ASTN1: variants seen among roughly 807,000 people sequenced by gnomAD.
ASTN1 encodes astrotactin 1.
Under a neutral mutation model 140.7 loss-of-function variants are expected in ASTN1, and 41 were observed. The ratio of observed to expected loss-of-function variants is 0.29; its 90% CI spans 0.23 to 0.38. The LOEUF (loss-of-function observed/expected upper bound fraction) is 0.38, where lower values mean the gene tolerates loss of function less well. Ranked by LOEUF, ASTN1 falls within the 10% of genes least tolerant of loss-of-function variation. The pLI is 1.00. For missense variants in ASTN1, 1,479 were observed against 1,678.8 expected, an observed-to-expected ratio of 0.88 and a Z score of 2.08; for synonymous variants, 640 against 652.2, an observed-to-expected ratio of 0.98 and a Z score of 0.29.
intron 14 of ASTN1, among the ~76,000 whole-genome samples, chr1:176,936,887 T>G (rs769057023): frequency 1.3e-5 from 2 of 152,234 alleles, no homozygotes; most frequent in African/African-American, 2.4e-5. Context: ...ATGCAACTCA[T>G]TTGTTCGCAT....
At chr1:177,044,176 T>TACACAC (rs3979531) in intron 2 of ASTN1, among the ~76,000 whole-genome samples, 12,124 of 143,242 alleles carry the variant, frequency 0.085, 747 homozygotes, top group East Asian at 0.23. Flanking sequence ...AAAAAAAAAA[T>TACACAC]ACACACACAC....
chr1:176,989,142 C>T lies in ASTN1; in HGVS notation c.1524-23905G>A, dbSNP rs553678381. Among the ~76,000 whole-genome samples the T allele has an allele frequency of 1.8e-3, 276 of 152,180 alleles. 1 individual carries two copies. Among genetic ancestry groups the T allele is most frequent in the Non-Finnish European group, 3.1e-3 (208 of 68,008 alleles). On this transcript the variant is annotated intron_variant, in intron 8 of 22. Transcript: ENST00000361833. The stretch of plus-strand genomic sequence containing the variant: ...CCCTAGATCTCTATAAAATTGGATT[C>T]GGGGAAGTAAAGTAGATTTGCCACT...
Position 176,966,315 on chromosome 1 carries a change from A to G in ASTN1, c.1524-1078T>C, listed in dbSNP as rs773030110. Among the ~76,000 whole-genome samples the G allele has an allele frequency of 7.0e-4, 106 of 152,324 alleles. 1 individual carries two copies. Among genetic ancestry groups the G allele is most frequent in the Non-Finnish European group, 4.1e-4 (28 of 68,032 alleles). On this transcript the variant is annotated intron_variant, in intron 8 of 22. Transcript: ENST00000361833. ...CACCCCATAGAGGGCATTTTGATAAATGTATGGCAGTTGTTCTTCAATGAC... is the reference window on the plus strand; with the variant it reads ...CACCCCATAGAGGGCATTTTGATAAGTGTATGGCAGTTGTTCTTCAATGAC...
chr1:177,063,521 C>T (rs933973238), intron 1 of ASTN1, among the ~76,000 whole-genome samples: 1 of 152,156 alleles, frequency 6.6e-6, no homozygotes, highest in Non-Finnish European at 1.5e-5. Flanking sequence ...AAGAGTCCCT[C>T]TTTCTACTAA....
rs538770544 is a variant in ASTN1, at chr1:176,923,468, A to G, written c.2671+10684T>C. Among the ~76,000 whole-genome samples the G allele has an allele frequency of 2.6e-5, 4 of 152,274 alleles. No homozygotes were observed. In the East Asian group the frequency reaches 7.7e-4, roughly 29 times the overall value. ...ATGTTGCCTTAGAGTAGAATGGGCA[A>G]TACAGCAGGCCCCCATCATCATCAG... On this transcript the variant is annotated intron_variant, in intron 16 of 22. Transcript: ENST00000361833.
intron 1 of ASTN1, among the ~76,000 whole-genome samples, chr1:177,073,788 T>C (rs1430588753): frequency 1.3e-5 from 2 of 151,614 alleles, no homozygotes; most frequent in Non-Finnish European, 2.9e-5. Context: ...CTGAAAACTT[T>C]ATGCCTCAGT....
intron 1 of ASTN1, among the ~76,000 whole-genome samples, chr1:177,094,014 A>T (rs895438401): frequency 6.6e-6 from 1 of 152,174 alleles, no homozygotes; most frequent in South Asian, 2.1e-4. Context: ...CCCTGCCAAA[A>T]TTTCAGGAAC....
At chr1:176,942,245 G>A (rs1270518244) in intron 14 of ASTN1, among the ~76,000 whole-genome samples, 1 of 152,034 alleles carries the variant, frequency 6.6e-6, no homozygotes, top group Non-Finnish European at 1.5e-5. Context: ...ATCCTATGAG[G>A]AAGATAGTAT....
At chr1:176,908,132 AACAC>A (rs10669124) in intron 16 of ASTN1, among the ~76,000 whole-genome samples, 28,777 of 149,698 alleles carry the variant, frequency 0.19, 2,854 homozygotes, top group Middle Eastern at 0.31. Flanking sequence ...TCTCTTATGC[AACAC>A]ACACACACAC....
intron 2 of ASTN1, among the ~76,000 whole-genome samples, chr1:177,038,743 G>T (rs1222247089): frequency 1.3e-5 from 2 of 152,090 alleles, no homozygotes; most frequent in East Asian, 3.8e-4. Context: ...AGATAATGCG[G>T]TGAATAACAC....
At chr1:177,027,068 T>A (rs760765012) in intron 5 of ASTN1, among the ~76,000 whole-genome samples, 1 of 152,218 alleles carries the variant, frequency 6.6e-6, no homozygotes, top group Non-Finnish European at 1.5e-5. Flanking sequence ...ATTTTACTGC[T>A]CCCTGACAAG....
chr1:176,928,084 A>C (rs1671046399), intron 16 of ASTN1, among the ~76,000 whole-genome samples: 1 of 150,506 alleles, frequency 6.6e-6, no homozygotes, highest in African/African-American at 2.4e-5. Flanking sequence ...ATTACATATA[A>C]ATATCTATAT....
chr1:176,907,186 T>C (rs180732789), intron 16 of ASTN1, among the ~76,000 whole-genome samples: 202 of 152,322 alleles, frequency 1.3e-3, no homozygotes, highest in Non-Finnish European at 1.5e-3. Flanking sequence ...ATCTGCATTT[T>C]ATCAGGCACT....
intron 22 of ASTN1, among the ~76,000 whole-genome samples, chr1:176,867,931 CTT>C (rs1668186862): frequency 6.6e-6 from 1 of 151,506 alleles, no homozygotes; most frequent in Non-Finnish European, 1.5e-5. Flanking sequence ...TCCTTCCTTC[CTT>C]CCTTCCTTCC....
chr1:176,931,227 G>A (rs999006704), intron 16 of ASTN1, among the ~76,000 whole-genome samples: 1 of 152,174 alleles, frequency 6.6e-6, no homozygotes, highest in Non-Finnish European at 1.5e-5. Flanking sequence ...AGCACTTTGG[G>A]AGGCTGAGGT....
At chr1:177,153,541 A>G (rs1014485818) in intron 1 of ASTN1, among the ~76,000 whole-genome samples, 2 of 152,190 alleles carry the variant, frequency 1.3e-5, no homozygotes, top group East Asian at 3.8e-4. Context: ...TAAATTCAAA[A>G]TATACCAAGT....
At chr1:176,923,970 T>A (rs1405985688) in intron 16 of ASTN1, among the ~76,000 whole-genome samples, 2 of 152,166 alleles carry the variant, frequency 1.3e-5, no homozygotes, top group Non-Finnish European at 2.9e-5. Flanking sequence ...CTGGAGCCTA[T>A]AACTTAATCA....
intron 1 of ASTN1, among the ~76,000 whole-genome samples, chr1:177,092,189 T>C (rs2102106071): frequency 6.6e-6 from 1 of 152,274 alleles, no homozygotes; most frequent in Admixed American, 6.5e-5. Flanking sequence ...TTGACTGCAC[T>C]CACCCTAGAG....
chr1:176,922,992 C>G (rs1482545046), intron 16 of ASTN1, among the ~76,000 whole-genome samples: 4 of 152,050 alleles, frequency 2.6e-5, no homozygotes, highest in Admixed American at 2.0e-4. Flanking sequence ...GTATCCAATC[C>G]TGGTACAACC....
Sources: allele counts gnomAD v4.1 joint callset (sites outside exome capture counted in the v4.1 genomes callset), GRCh38; gene constraint gnomAD v4.1.1; transcripts MANE v1.5; gene names NCBI Gene and HGNC (gene_info 2026-07-23, HGNC 2026-07-21).